Variants in MED13 observed in about 807,000 individuals in gnomAD.
MED13 encodes mediator complex subunit 13.
Under a neutral mutation model 225.2 loss-of-function variants are expected in MED13, and 23 were observed. The ratio of observed to expected loss-of-function variants is 0.10; its 90% CI spans 0.07 to 0.14. The LOEUF is 0.14. Among genes scored for constraint, MED13 ranks in the 10% least tolerant of loss-of-function variants. The pLI, the probability that MED13 is intolerant of heterozygous loss-of-function variation, is 1.00. For synonymous variants in MED13, 942 were observed against 889.2 expected (o/e 1.06, Z -1.06); for missense variants, 2,197 against 2,594.5 (o/e 0.85, Z 3.33).
At chr17:62,042,693 T>A (rs2080863806) in intron 3 of MED13, among the ~76,000 whole-genome samples, 1 of 152,090 alleles carries the variant, frequency 6.6e-6, no homozygotes, top group South Asian at 2.1e-4. Context: ...TTTTACTATT[T>A]CCTGTAACTT....
At chr17:61,953,208 A>C in intron 26 of MED13, 95 bp from the exon 27 acceptor site, 1 of 1,286,534 alleles carries the variant, frequency 7.8e-7, no homozygotes, top group Non-Finnish European at 1.0e-6. Context: ...TTTTAACCAA[A>C]ATGGGTTAAT....
At chr17:62,021,700 G>T (rs2080649303) in intron 8 of MED13, among the ~76,000 whole-genome samples, 1 of 152,204 alleles carries the variant, frequency 6.6e-6, no homozygotes, top group African/African-American at 2.4e-5. Context: ...TCAGATCAGT[G>T]AAATCACAAG....
At chr17:62,050,005 A>G (rs2080941783) in intron 3 of MED13, among the ~76,000 whole-genome samples, 1 of 151,940 alleles carries the variant, frequency 6.6e-6, no homozygotes, top group South Asian at 2.1e-4. Flanking sequence ...TTATAAAATT[A>G]TAAGAGTATA....
chr17:61,974,911 T>C (rs893930092), intron 16 of MED13, among the ~76,000 whole-genome samples: 1 of 151,996 alleles, frequency 6.6e-6, no homozygotes, highest in African/African-American at 2.4e-5. Flanking sequence ...AGAGAAAAAA[T>C]AAATTGGACT....
chr17:62,052,945 T>C (rs1045341669), intron 2 of MED13, among the ~76,000 whole-genome samples: 3 of 152,194 alleles, frequency 2.0e-5, no homozygotes, highest in Non-Finnish European at 2.9e-5. Context: ...TTCCACCTTA[T>C]AAAATTCAAT....
intron 23 of MED13, among the ~76,000 whole-genome samples, chr17:61,956,832 C>G (rs1390887526): frequency 1.3e-5 from 2 of 152,102 alleles, no homozygotes; most frequent in Non-Finnish European, 2.9e-5. Context: ...GCCACCGTGC[C>G]ATCCCGACAT....
intron 20 of MED13, among the ~76,000 whole-genome samples, chr17:61,963,738 C>CGAGAT (rs1329996515): frequency 1.3e-5 from 2 of 152,056 alleles, no homozygotes; most frequent in African/African-American, 4.8e-5. Context: ...GTATCAATCT[C>CGAGAT]GATAATGGTT....
intron 8 of MED13, chr17:62,029,329 T>A: frequency 1.9e-6 from 1 of 540,172 alleles, no homozygotes; most frequent in Non-Finnish European, 3.3e-6. Flanking sequence ...TTTCAGAGTC[T>A]GCCTCTGGTA....
At chr17:62,014,996 G>A (rs35841074) in intron 8 of MED13, among the ~76,000 whole-genome samples, 17,530 of 152,072 alleles carry the variant, frequency 0.12, 1,304 homozygotes, top group Middle Eastern at 0.29. Context: ...CAAGTAAAAC[G>A]AAAAATCCAG....
intron 2 of MED13, among the ~76,000 whole-genome samples, chr17:62,057,634 T>G (rs989344326): frequency 6.6e-6 from 1 of 152,230 alleles, no homozygotes; most frequent in Non-Finnish European, 1.5e-5. Flanking sequence ...TCATTTAAGG[T>G]TAAAGTCCAC....
At chr17:61,986,112 G>C (rs1488991041) in intron 12 of MED13, among the ~76,000 whole-genome samples, 1 of 152,150 alleles carries the variant, frequency 6.6e-6, no homozygotes, top group Non-Finnish European at 1.5e-5. Flanking sequence ...AGCTGATACA[G>C]GAATGGTAGT....
intron 2 of MED13, among the ~76,000 whole-genome samples, chr17:62,053,286 A>G (rs553051955): frequency 1.5e-3 from 223 of 152,304 alleles, no homozygotes; most frequent in African/African-American, 5.2e-3. Flanking sequence ...AATTATTCCC[A>G]TGATTATTAT....
chr17:62,026,032 G>C (rs1364895358), intron 8 of MED13, among the ~76,000 whole-genome samples: 1 of 152,134 alleles, frequency 6.6e-6, no homozygotes, highest in Non-Finnish European at 1.5e-5. Flanking sequence ...GCCCTAACCT[G>C]CAGGCACTCC....
intron 27 of MED13, among the ~76,000 whole-genome samples, chr17:61,951,354 C>A: frequency 6.6e-6 from 1 of 152,126 alleles, no homozygotes; most frequent in East Asian, 1.9e-4. Context: ...AAAACCACAC[C>A]CCAATCAAAA....
At chr17:62,062,647 A>T (rs1489617221) in intron 2 of MED13, among the ~76,000 whole-genome samples, 3 of 151,704 alleles carry the variant, frequency 2.0e-5, no homozygotes, top group Non-Finnish European at 4.4e-5. Context: ...CATTTCCAGT[A>T]CTTTTAGAAT....
chr17:62,008,606 T>C (rs2080476866), intron 9 of MED13, among the ~76,000 whole-genome samples: 1 of 151,874 alleles, frequency 6.6e-6, no homozygotes, highest in South Asian at 2.1e-4. Context: ...AAATTATCAA[T>C]CCAAGCATGA....
chr17:62,065,201 C>T lies in MED13; in HGVS notation c.5G>A (p.Ser2Asn). M[S>N]ASFVPNGASL... The stretch of plus-strand genomic sequence containing the variant: ...GGCCCCGTTCGGCACGAAGGAGGCA[C>T]TCATCGTCCCTCACAGCAGCCGCCG... The change falls in exon 1 of 30, where the codon AGT becomes AAT. Residue 2 changes from serine to asparagine, a missense_variant. Around this residue, in one of 12 missense-constraint regions of MED13, gnomAD observed 884 missense variants for 918.5 expected, o/e 0.96. Transcript: ENST00000397786. 2 of 1,567,416 alleles carry T rather than the reference C, an allele frequency of 1.3e-6. No homozygotes were observed. Among genetic ancestry groups the T allele is most frequent in the African/African-American group, 1.4e-5 (1 of 71,880 alleles).
chr17:62,006,807 G>C (rs1035671515), intron 9 of MED13: 1 of 152,472 alleles, frequency 6.6e-6, no homozygotes, highest in Non-Finnish European at 1.5e-5. Context: ...CGCACTTATA[G>C]TCCCAGCTAC....
chr17:62,025,148 T>C (rs186033611), intron 8 of MED13, among the ~76,000 whole-genome samples: 16 of 152,342 alleles, frequency 1.1e-4, no homozygotes, highest in East Asian at 3.9e-4. Flanking sequence ...ACTTTTTCTG[T>C]AGTGAACCAG....
Sources: allele counts gnomAD v4.1 joint callset (sites outside exome capture counted in the v4.1 genomes callset), GRCh38; gene constraint gnomAD v4.1.1; regional missense constraint gnomAD v4.1.1; transcripts MANE v1.5; gene names NCBI Gene and HGNC (gene_info 2026-07-23, HGNC 2026-07-21).